IL1RAPL1: variants seen among roughly 807,000 people sequenced by gnomAD.
IL1RAPL1 encodes the protein interleukin-1 receptor accessory protein-like 1.
A neutral mutation model predicts 48.4 loss-of-function variants in IL1RAPL1; 3 were observed. The ratio of observed to expected loss-of-function variants is 0.06; its 90% CI spans 0.03 to 0.16. The LOEUF is 0.16. Among genes scored for constraint, IL1RAPL1 ranks in the 10% least tolerant of loss-of-function variants. The probability of loss-of-function intolerance (pLI) is 1.00; values close to 1 mark genes in which losing one functional copy is unlikely to be tolerated. For missense variants in IL1RAPL1, 349 were observed against 530.6 expected (o/e 0.66, Z 3.36); for synonymous variants, 185 against 187.7 (o/e 0.99, Z 0.12).
chrX:28,801,746 C>T (rs750704963), intron 2 of IL1RAPL1, among the ~76,000 whole-genome samples: 1 of 112,048 alleles, frequency 8.9e-6, no homozygotes, highest in South Asian at 3.7e-4. Flanking sequence ...ATAATACCCA[C>T]AGCAGTGGAA....
At chrX:28,661,298 A>G (rs2146909327) in intron 1 of IL1RAPL1, among the ~76,000 whole-genome samples, 1 of 112,221 alleles carries the variant, frequency 8.9e-6, no homozygotes, top group South Asian at 3.7e-4. Context: ...CTACTGTCTC[A>G]TTAAAAAGAA....
chrX:29,454,094 A>G (rs1934711769), intron 5 of IL1RAPL1, among the ~76,000 whole-genome samples: 1 of 112,188 alleles, frequency 8.9e-6, no homozygotes, highest in Non-Finnish European at 1.9e-5. Context: ...GCATTATTTA[A>G]TGGTCCTTTT....
At chrX:29,764,986 C>T (rs1928846811) in intron 6 of IL1RAPL1, among the ~76,000 whole-genome samples, 1 of 112,432 alleles carries the variant, frequency 8.9e-6, no homozygotes, top group Admixed American at 9.4e-5. Flanking sequence ...GAAACTAATT[C>T]AAATGACTCT....
chrX:28,871,742 A>G (rs7886761), intron 2 of IL1RAPL1, among the ~76,000 whole-genome samples: 7,840 of 111,354 alleles, frequency 0.07, 539 homozygotes, highest in East Asian at 0.23. Context: ...ATTCTCACAT[A>G]TGCTAAAGTT....
chrX:29,102,059 A>C (rs1463830691), intron 2 of IL1RAPL1, among the ~76,000 whole-genome samples: 1 of 112,261 alleles, frequency 8.9e-6, no homozygotes, highest in Non-Finnish European at 1.9e-5. Flanking sequence ...CGAATGAAGG[A>C]AAAAAACATA....
intron 2 of IL1RAPL1, among the ~76,000 whole-genome samples, chrX:29,223,160 G>T (rs771812434): frequency 2.7e-5 from 3 of 111,397 alleles, no homozygotes; most frequent in African/African-American, 9.8e-5. Flanking sequence ...AAAAAAAATG[G>T]TACATTCTCT....
At chrX:28,988,640 A>T (rs1314663370) in intron 2 of IL1RAPL1, among the ~76,000 whole-genome samples, 1 of 111,660 alleles carries the variant, frequency 9.0e-6, no homozygotes, top group African/African-American at 3.3e-5. Flanking sequence ...AGAAGTACCC[A>T]CTCACCTCTG....
chrX:29,090,140 C>T (rs753609763), intron 2 of IL1RAPL1, among the ~76,000 whole-genome samples: 17 of 110,306 alleles, frequency 1.5e-4, no homozygotes, highest in African/African-American at 5.3e-4. Context: ...CTTCCCTACA[C>T]CTATGTCAGC....
At chrX:28,985,449 T>C (rs1196416244) in intron 2 of IL1RAPL1, among the ~76,000 whole-genome samples, 2 of 111,673 alleles carry the variant, frequency 1.8e-5, no homozygotes, top group Admixed American at 1.9e-4. Context: ...TGCACAGAGA[T>C]GTTCTTTATG....
intron 5 of IL1RAPL1, among the ~76,000 whole-genome samples, chrX:29,633,627 G>A (rs1311146282): frequency 1.8e-5 from 2 of 111,256 alleles, no homozygotes; most frequent in Non-Finnish European, 3.8e-5. Flanking sequence ...TCACAGTGCT[G>A]ATGGCCAGAA....
At chrX:29,542,294 C>T (rs1171001699) in intron 5 of IL1RAPL1, among the ~76,000 whole-genome samples, 1 of 111,571 alleles carries the variant, frequency 9.0e-6, no homozygotes, top group Non-Finnish European at 1.9e-5. Context: ...TGGGAAAGCT[C>T]GTGCTGCTTC....
chrX:29,941,384 A>AT (rs923075882), intron 8 of IL1RAPL1, among the ~76,000 whole-genome samples: 8 of 112,166 alleles, frequency 7.1e-5, no homozygotes, highest in Non-Finnish European at 1.5e-4. Flanking sequence ...CTTAATCCAA[A>AT]TGCAAGCTAC....
intron 2 of IL1RAPL1, among the ~76,000 whole-genome samples, chrX:28,905,647 A>T (rs1046780152): frequency 8.9e-6 from 1 of 112,223 alleles, no homozygotes; most frequent in African/African-American, 3.2e-5. Context: ...TTATATTAAG[A>T]TAGTCATATT....
At chrX:28,846,626 G>A (rs1921516189) in intron 2 of IL1RAPL1, among the ~76,000 whole-genome samples, 1 of 112,029 alleles carries the variant, frequency 8.9e-6, no homozygotes, top group Non-Finnish European at 1.9e-5. Flanking sequence ...TCTAATAGGT[G>A]TGTAGTGATA....
intron 2 of IL1RAPL1, among the ~76,000 whole-genome samples, chrX:28,800,838 T>A (rs1190741613): frequency 9.7e-6 from 1 of 103,518 alleles, no homozygotes; most frequent in Non-Finnish European, 1.9e-5. Flanking sequence ...CCTTTGCATA[T>A]TAAAGGGATT....
chrX:29,812,532 A>G (rs1301901160), intron 6 of IL1RAPL1, among the ~76,000 whole-genome samples: 7 of 111,365 alleles, frequency 6.3e-5, no homozygotes, highest in Non-Finnish European at 1.1e-4. Context: ...GTTATAGTCC[A>G]AGTTTTGACA....
intron 1 of IL1RAPL1, among the ~76,000 whole-genome samples, chrX:28,714,501 A>G (rs1284705408): frequency 2.7e-5 from 3 of 112,031 alleles, no homozygotes; most frequent in Middle Eastern, 4.7e-3. Context: ...CTTTATAATG[A>G]TATATCATAA....
chrX:28,859,358 A>G (rs1176124028), intron 2 of IL1RAPL1, among the ~76,000 whole-genome samples: 6 of 111,887 alleles, frequency 5.4e-5, no homozygotes, highest in Admixed American at 9.5e-5. Context: ...TCCTGGGTTC[A>G]AGCGATTCTT....
chrX:29,464,343 A>G (rs1207024431), intron 5 of IL1RAPL1, among the ~76,000 whole-genome samples: 1 of 111,720 alleles, frequency 9.0e-6, no homozygotes, highest in Non-Finnish European at 1.9e-5. Context: ...GGAGCACACC[A>G]TTCATATTAT....
Sources: gnomAD v4.1 joint callset for allele counts (sites outside exome capture counted in the v4.1 genomes callset) on GRCh38, gnomAD v4.1.1 for gene constraint, MANE v1.5 for transcripts, NCBI Gene and HGNC (gene_info 2026-07-23, HGNC 2026-07-21) for gene names.